Variants in SAMHD1 observed in about 807,000 individuals in gnomAD.
SAMHD1 encodes the protein deoxynucleoside triphosphate triphosphohydrolase SAMHD1.
SAMHD1 carries 54 observed loss-of-function variants against 79.6 expected under a neutral mutation model. That is an observed-to-expected ratio of 0.68 (90% confidence interval 0.55 to 0.85). SAMHD1 has a LOEUF of 0.85. Among genes scored for constraint, SAMHD1 ranks in the 40% least tolerant of loss-of-function variants. SAMHD1 has a pLI of 0.00. For missense variants in SAMHD1, 663 were observed against 782.7 expected, an observed-to-expected ratio of 0.85 and a Z score of 1.82; for synonymous variants, 260 against 264.1, an observed-to-expected ratio of 0.98 and a Z score of 0.15.
At chr20:36,923,135 G>A (rs1027779418) in intron 6 of SAMHD1, among the ~76,000 whole-genome samples, 4 of 151,934 alleles carry the variant, frequency 2.6e-5, no homozygotes, top group African/African-American at 7.3e-5. Flanking sequence ...TGAGTAGCTG[G>A]GACTACAGGT....
At chr20:36,907,755 C>T (rs1410315463) in intron 11 of SAMHD1, among the ~76,000 whole-genome samples, 1 of 151,882 alleles carries the variant, frequency 6.6e-6, no homozygotes, top group Non-Finnish European at 1.5e-5. Flanking sequence ...GGATTACAGG[C>T]GTAAGCCACC....
chr20:36,901,169 T>G (rs1196990141), intron 13 of SAMHD1, among the ~76,000 whole-genome samples: 1 of 151,966 alleles, frequency 6.6e-6, no homozygotes, highest in Non-Finnish European at 1.5e-5. Context: ...CAGTGTGGTG[T>G]TCATGATTTT....
chr20:36,933,818 G>A (rs1259084871), intron 4 of SAMHD1, among the ~76,000 whole-genome samples: 3 of 151,860 alleles, frequency 2.0e-5, no homozygotes, highest in African/African-American at 7.3e-5. Context: ...AGGCCGAGGC[G>A]GGCGGATCAC....
chr20:36,916,934 G>C lies in SAMHD1; in HGVS notation c.953+15C>G. ...AAATATTTTAGCCAACTTTTCAGAA[G>C]TGTTCAGTGCATACCTGGCAAAATA... is the stretch of plus-strand genomic sequence containing the variant. On this transcript the variant is annotated intron_variant, in intron 8 of 15. Transcript: ENST00000646673. 1 of 1,594,016 alleles carries C rather than the reference G, an allele frequency of 6.3e-7. No homozygotes were observed. The highest frequency in any genetic ancestry group is 1.1e-5 in the South Asian group (1 of 90,414).
rs2059302615 is a variant in SAMHD1 at position 36,951,485 on chromosome 20, G to A, written c.159C>T (p.Phe53=). 6.2e-7 allele frequency: 1 copy of A among 1,614,042 alleles called. No individual in the cohort carries two copies. The highest frequency in any genetic ancestry group is 1.3e-5 in the African/African-American group (1 of 74,944). The stretch of plus-strand genomic sequence containing the variant: ...GCTCTTCAAAGCCACCGCGCCTGAG[G>A]AAGGAGCACACCTGCTCCGGACCCC... ...KTWGPEQVCS[F]LRRGGFEEPV... Residue 53 remains phenylalanine, a synonymous_variant, in exon 1 of 16, where the codon TTC becomes TTT. Transcript: ENST00000646673.
chr20:36,946,286 G>GCCT (rs998930640), intron 2 of SAMHD1: 2 of 158,316 alleles, frequency 1.3e-5, no homozygotes, highest in African/African-American at 4.8e-5. Context: ...GGTGGCAGGC[G>GCCT]CCTGTAGTCC....
chr20:36,909,988 G>A (rs1230225442), intron 11 of SAMHD1, among the ~76,000 whole-genome samples: 3 of 151,914 alleles, frequency 2.0e-5, no homozygotes, highest in African/African-American at 7.3e-5. Flanking sequence ...ACTTTCGGAG[G>A]CTGAGGCAGG....
chr20:36,919,031 G>T (rs951196351), intron 7 of SAMHD1, among the ~76,000 whole-genome samples: 1 of 151,908 alleles, frequency 6.6e-6, no homozygotes, highest in Non-Finnish European at 1.5e-5. Flanking sequence ...AGCTACTCAG[G>T]AGGCTGAGGT....
intron 1 of SAMHD1, among the ~76,000 whole-genome samples, chr20:36,950,358 C>T (rs2063725663): frequency 6.6e-6 from 1 of 151,924 alleles, no homozygotes; most frequent in Admixed American, 6.6e-5. Context: ...AATGCAATTT[C>T]CCATACCCAT....
chr20:36,903,603 G>A (rs1197057191), intron 13 of SAMHD1, among the ~76,000 whole-genome samples: 1 of 143,010 alleles, frequency 7.0e-6, no homozygotes, highest in Non-Finnish European at 1.5e-5. Context: ...AGGCTGGAGT[G>A]CAGTGGCATG....
At chr20:36,910,382 G>A (rs1446584423) in intron 11 of SAMHD1, among the ~76,000 whole-genome samples, 1 of 151,826 alleles carries the variant, frequency 6.6e-6, no homozygotes, top group Non-Finnish European at 1.5e-5. Flanking sequence ...CAGCCTGGAT[G>A]ACAGAATAAA....
chr20:36,897,817 C>T lies in SAMHD1; in HGVS notation c.1746+5G>A. ...TGCAAAGTTTGTGAGTAACAGGCCA[C>T]CTACCTGCGGCTTGGTGAAATTTCT... On this transcript the variant is annotated splice_donor_5th_base_variant and intron_variant, in intron 15 of 15. Coordinates refer to ENST00000646673, the MANE Select transcript of SAMHD1 (RefSeq NM_015474.4). 1 of 1,614,206 alleles carries T rather than the reference C, an allele frequency of 6.2e-7. No homozygotes were observed. The highest frequency in any genetic ancestry group is 8.5e-7 in the Non-Finnish European group (1 of 1,180,038).
At chr20:36,910,456 G>A (rs1450342720) in intron 11 of SAMHD1, among the ~76,000 whole-genome samples, 2 of 151,878 alleles carry the variant, frequency 1.3e-5, no homozygotes, top group Non-Finnish European at 2.9e-5. Flanking sequence ...TGGGCCGGGC[G>A]TAGTGGCTCA....
In SAMHD1 at chr20:36,907,848, AT is replaced by A. The variant is rs545877485; in HGVS notation, c.1271-2346del. Among the ~76,000 whole-genome samples, 647 of 149,844 alleles carry A rather than the reference AT, an allele frequency of 4.3e-3. 8 individuals carry two copies. The highest frequency in any genetic ancestry group is 0.013 in the African/African-American group (525 of 40,828). On this transcript the variant is annotated intron_variant, in intron 11 of 15. Coordinates refer to ENST00000646673, the MANE Select transcript of SAMHD1 (RefSeq NM_015474.4). Reference sequence around the variant, plus strand: ...AAAGTAAATATCTTCAGCTTGTTCAATTTTTTTTTTAACTTTTATTTTACTT... The same window carrying A: ...AAAGTAAATATCTTCAGCTTGTTCAATTTTTTTTTAACTTTTATTTTACTT...
intron 15 of SAMHD1, among the ~76,000 whole-genome samples, chr20:36,895,659 A>G (rs1483609628): frequency 6.6e-6 from 1 of 152,074 alleles, no homozygotes; most frequent in African/African-American, 2.4e-5. Context: ...AGTTATCACG[A>G]CACAGCCAAA....
chr20:36,891,585 C>A lies in SAMHD1; in HGVS notation c.*1347G>T, dbSNP rs1601106775. On this transcript the variant is annotated 3_prime_UTR_variant, in exon 16 of 16. Transcript: ENST00000646673. ...GTGTGCCCTGGGCACAGGGGCACTGCCCCACCAAGGTGGTGCCCACTCCAC... is the reference window on the plus strand; with the variant it reads ...GTGTGCCCTGGGCACAGGGGCACTGACCCACCAAGGTGGTGCCCACTCCAC... The A allele has an allele frequency of 6.6e-6, 1 of 152,260 alleles. No individual in the cohort carries two copies. Among genetic ancestry groups the A allele is most frequent in the East Asian group, 1.9e-4 (1 of 5,202 alleles). 9.4% of individuals were successfully genotyped at this position (152,260 alleles called of 1,614,324 possible).
chr20:36,890,084 C>A (rs557825951), downstream of SAMHD1: 4 of 152,280 alleles, frequency 2.6e-5, no homozygotes, highest in South Asian at 4.1e-4. Flanking sequence ...AATGTTGAGG[C>A]CTTTTTGTCT....
At chr20:36,908,640 A>G (rs1413537507) in intron 11 of SAMHD1, among the ~76,000 whole-genome samples, 3 of 152,044 alleles carry the variant, frequency 2.0e-5, no homozygotes, top group Non-Finnish European at 4.4e-5. Context: ...TTTTCCCCCC[A>G]TTTCATTTTT....
At chr20:36,925,907 T>C (rs1463873823) in intron 6 of SAMHD1, among the ~76,000 whole-genome samples, 2 of 152,186 alleles carry the variant, frequency 1.3e-5, no homozygotes, top group East Asian at 3.8e-4. Context: ...AAAACTCTGG[T>C]AGTTTCTTAT....
Sources: gnomAD v4.1 joint callset for allele counts (sites outside exome capture counted in the v4.1 genomes callset) on GRCh38, gnomAD v4.1.1 for gene constraint, MANE v1.5 for transcripts, NCBI Gene and HGNC (gene_info 2026-07-23, HGNC 2026-07-21) for gene names.